Variants in OR4M1 observed in about 807,000 individuals in gnomAD.
The protein encoded by OR4M1 is olfactory receptor 4M1.
In OR4M1, 7 loss-of-function variants were observed where a neutral mutation model predicts 9.8. The observed-to-expected ratio is 0.71, with a 90% CI of 0.41 to 1.34. The LOEUF (loss-of-function observed/expected upper bound fraction) is 1.34. Ranked by LOEUF, OR4M1 falls within the 40% of genes most tolerant of loss-of-function variation. The probability of loss-of-function intolerance (pLI) is 0.01; values close to 1 mark genes in which losing one functional copy is unlikely to be tolerated. For missense variants in OR4M1, 331 were observed against 380.4 expected, an observed-to-expected ratio of 0.87 and a Z score of 1.08; for synonymous variants, 121 against 139.8, an observed-to-expected ratio of 0.87 and a Z score of 0.95.
At chr14:19,777,656 G>C (rs564883472) in intron 1 of OR4M1, among the ~76,000 whole-genome samples, 2 of 152,088 alleles carry the variant, frequency 1.3e-5, no homozygotes, top group African/African-American at 4.8e-5. Flanking sequence ...AATGTTTGTG[G>C]GATAAACAAA....
At position 19,782,140 on chromosome 14, in the gene OR4M1, C is replaced by A. The variant is rs1850942577; in HGVS notation, c.*876C>A. The A allele has an allele frequency of 6.6e-6, 1 of 152,372 alleles. No homozygotes were observed. The highest frequency in any genetic ancestry group is 2.1e-4 in the South Asian group (1 of 4,830). 9.4% of individuals were successfully genotyped at this position (152,372 alleles called of 1,614,324 possible). On this transcript the variant is annotated 3_prime_UTR_variant, in exon 2 of 2. Coordinates refer to ENST00000641200, the MANE Select transcript of OR4M1 (RefSeq NM_001005500.2). ...ATGTTTTCCGTAATTGCTAATCCTGCCTCTCATGTTAAACTTAAATTGGTT... is the reference window on the plus strand; with the variant it reads ...ATGTTTTCCGTAATTGCTAATCCTGACTCTCATGTTAAACTTAAATTGGTT...
Position 19,780,711 on chromosome 14 carries a change from T to C in OR4M1, c.389T>C (p.Leu130Pro), listed in dbSNP as rs777380718. The C allele has an allele frequency of 1.2e-6, 2 of 1,614,108 alleles. No homozygotes were observed. Among genetic ancestry groups the C allele is most frequent in the African/African-American group, 2.7e-5 (2 of 74,924 alleles). The change falls in exon 2 of 2, where the codon CTC (leucine) becomes CCC (proline). Residue 130 changes from leucine to proline, a missense_variant. Leu to Pro is a moderately conservative substitution (Grantham distance 98). Transcript: ENST00000641200. ...CGCTATGCTGCTATCTGCCGACCCC[T>C]CCACTATGCTACCATCATGAATCGA... ...YDRYAAICRP[L>P]HYATIMNRRL...
intron 1 of OR4M1, among the ~76,000 whole-genome samples, chr14:19,778,730 A>G (rs1390999903): frequency 2.0e-5 from 3 of 152,234 alleles, no homozygotes; most frequent in Non-Finnish European, 2.9e-5. Flanking sequence ...TATGGGGGCT[A>G]TGAGCTGCTT....
chr14:19,776,547 C>A (rs1218142016), intron 1 of OR4M1, among the ~76,000 whole-genome samples: 6 of 152,150 alleles, frequency 3.9e-5, no homozygotes, highest in Non-Finnish European at 8.8e-5. Flanking sequence ...CGAAGTAAAT[C>A]TTTTTAAGCA....
rs901059219 is a variant in OR4M1 at position 19,783,139 on chromosome 14, G to A, written c.*1875G>A. The stretch of plus-strand genomic sequence containing the variant: ...AGTGTGATAACTAATTGCTTACTTG[G>A]GAATATTATCTGAAATTAGAAACTA... On this transcript the variant is annotated 3_prime_UTR_variant, in exon 2 of 2. Transcript: ENST00000641200. 4 of 152,204 alleles carry A rather than the reference G, an allele frequency of 2.6e-5. No individual in the cohort carries two copies. The highest frequency in any genetic ancestry group is 9.7e-5 in the African/African-American group (4 of 41,450). 9.4% of individuals were successfully genotyped at this position (152,204 alleles called of 1,614,324 possible).
In OR4M1 at chr14:19,780,620, C is replaced by CA; in HGVS notation, c.299dup (p.Leu101AlafsTer21). 1 of 1,614,218 alleles carries CA rather than the reference C, an allele frequency of 6.2e-7. No homozygotes were observed. Among genetic ancestry groups the CA allele is most frequent in the South Asian group, 1.1e-5 (1 of 91,092 alleles). On this transcript the variant is annotated frameshift_variant, in exon 2 of 2. Transcript: ENST00000641200. LOFTEE classifies it high-confidence loss of function. ...AATTTCCTTTGGTGGATGCATTGCA[C>CA]AGCTCTTCTTCTTACACTTTGTTGG...
chr14:19,776,418 T>C (rs1268467142), intron 1 of OR4M1, among the ~76,000 whole-genome samples: 14 of 152,242 alleles, frequency 9.2e-5, no homozygotes, highest in Non-Finnish European at 1.5e-4. Flanking sequence ...CCTGTACTCC[T>C]GGGTATTTCC....
At chr14:19,780,211 A>G (rs1212779839) in intron 1 of OR4M1, 83 bp from the exon 2 acceptor site, 1 of 1,220,160 alleles carries the variant, frequency 8.2e-7, no homozygotes, top group African/African-American at 1.6e-5. Flanking sequence ...TAGTGACAGA[A>G]AACGTATGAC....
intron 1 of OR4M1, among the ~76,000 whole-genome samples, chr14:19,775,618 TTTATA>T (rs1878288719): frequency 6.8e-6 from 1 of 147,164 alleles, no homozygotes; most frequent in South Asian, 2.1e-4. Flanking sequence ...GTATATATAA[TTTATA>T]TTATATATAA....
chr14:19,777,698 T>C (rs1000323154), intron 1 of OR4M1, among the ~76,000 whole-genome samples: 1 of 152,216 alleles, frequency 6.6e-6, no homozygotes, highest in Non-Finnish European at 1.5e-5. Context: ...ACAGAAGCTA[T>C]ATATTTAGGA....
rs1486625413 is a variant in OR4M1 at position 19,781,531 on chromosome 14, A to G, written c.*267A>G. 2.4e-6 allele frequency: 1 copy of G among 416,000 alleles called. No individual in the cohort carries two copies. The highest frequency in any genetic ancestry group is 4.0e-5 in the East Asian group (1 of 25,102). 25.8% of individuals were successfully genotyped at this position (416,000 alleles called of 1,614,324 possible). A position where few individuals can be genotyped will look rare whatever the true frequency, so the allele number is the denominator to read the frequency against. Reference sequence around the variant, plus strand: ...AATCTGCTAAAGTACATTTTAACTAATTGTTTATTGAGTAACTACTCTGCA... The same window carrying G: ...AATCTGCTAAAGTACATTTTAACTAGTTGTTTATTGAGTAACTACTCTGCA... On this transcript the variant is annotated 3_prime_UTR_variant, in exon 2 of 2. Transcript: ENST00000641200.
intron 1 of OR4M1, among the ~76,000 whole-genome samples, chr14:19,779,990 T>C (rs1300379391): frequency 6.6e-6 from 1 of 152,250 alleles, no homozygotes; most frequent in Non-Finnish European, 1.5e-5. Flanking sequence ...TATTGCTTAC[T>C]AATGTAGATG....
intron 1 of OR4M1, among the ~76,000 whole-genome samples, chr14:19,775,906 C>T (rs1431038248): frequency 2.0e-4 from 31 of 151,872 alleles, no homozygotes; most frequent in Non-Finnish European, 7.4e-5. Context: ...CTAATGGTTT[C>T]TTCTTGCCTA....
At chr14:19,776,014 G>T (rs1318973819) in intron 1 of OR4M1, among the ~76,000 whole-genome samples, 2 of 152,016 alleles carry the variant, frequency 1.3e-5, no homozygotes, top group African/African-American at 4.8e-5. Flanking sequence ...AGGTCCCTGG[G>T]TTTCCTATAC....
intron 1 of OR4M1, among the ~76,000 whole-genome samples, chr14:19,776,002 C>G (rs1474159858): frequency 2.0e-5 from 3 of 152,046 alleles, no homozygotes; most frequent in Non-Finnish European, 4.4e-5. Flanking sequence ...TTATGACACT[C>G]GAGGTCCCTG....
intron 1 of OR4M1, among the ~76,000 whole-genome samples, chr14:19,779,869 C>G (rs147737367): frequency 0.017 from 2,552 of 151,984 alleles, 18 homozygotes; most frequent in Non-Finnish European, 0.026. Context: ...GAATGCAAGC[C>G]TAAGTTTCCA....
At chr14:19,777,811 G>A (rs1180739785) in intron 1 of OR4M1, among the ~76,000 whole-genome samples, 2 of 152,142 alleles carry the variant, frequency 1.3e-5, no homozygotes, top group South Asian at 2.1e-4. Flanking sequence ...GGTATTTTAG[G>A]TAATGGTTAT....
intron 1 of OR4M1, among the ~76,000 whole-genome samples, chr14:19,779,627 T>G (rs1435757618): frequency 6.6e-6 from 1 of 152,232 alleles, no homozygotes; most frequent in Non-Finnish European, 1.5e-5. Context: ...TGAGCAAATT[T>G]CATACTCAAT....
intron 1 of OR4M1, among the ~76,000 whole-genome samples, chr14:19,778,056 G>A (rs1347947110): frequency 6.6e-6 from 1 of 152,190 alleles, no homozygotes; most frequent in Non-Finnish European, 1.5e-5. Context: ...GTGGAGGGAT[G>A]AATCCTTTGT....
Sources: allele counts gnomAD v4.1 joint callset (sites outside exome capture counted in the v4.1 genomes callset), GRCh38; gene constraint gnomAD v4.1.1; transcripts MANE v1.5; gene names NCBI Gene and HGNC (gene_info 2026-07-23, HGNC 2026-07-21).